The following DRC8 variants were observed in gnomAD, a reference collection of about 807,000 sequenced individuals.
DRC8 encodes the protein dynein regulatory complex protein 8.
At chr1:245,014,262 C>T in the DRC8 span, among the ~76,000 whole-genome samples, 1 of 152,108 alleles carries the variant, frequency 6.6e-6, no homozygotes, top group East Asian at 1.9e-4. Context: ...AGGGTTAAGT[C>T]TTTATTATTC....
At chr1:245,097,637 T>A in the DRC8 span, among the ~76,000 whole-genome samples, 3 of 151,948 alleles carry the variant, frequency 2.0e-5, no homozygotes, top group African/African-American at 7.3e-5. This position sits in a 1 kb window ranked among gnomAD's most constrained non-coding sequence, Gnocchi z 5.0. Flanking sequence ...AGATAATACA[T>A]CAATAAACAT....
chr1:245,096,425 A>T, the DRC8 span, among the ~76,000 whole-genome samples: 1 of 152,384 alleles, frequency 6.6e-6, no homozygotes, highest in East Asian at 1.9e-4. Flanking sequence ...TCCTAATGCA[A>T]TTCATTTGCT....
chr1:244,972,866 T>C, the DRC8 span, among the ~76,000 whole-genome samples: 2 of 151,974 alleles, frequency 1.3e-5, no homozygotes, highest in Non-Finnish European at 2.9e-5. Flanking sequence ...AGCACTCATG[T>C]GCTGTATCTC....
chr1:245,059,738 G>A, the DRC8 span, among the ~76,000 whole-genome samples: 1 of 152,232 alleles, frequency 6.6e-6, no homozygotes, highest in Non-Finnish European at 1.5e-5. Flanking sequence ...AAAGAGGCCA[G>A]TAGATGCAAG....
chr1:244,974,787 T>G, the DRC8 span, among the ~76,000 whole-genome samples: 27 of 152,120 alleles, frequency 1.8e-4, no homozygotes, highest in Non-Finnish European at 3.8e-4. Context: ...CTCGACCTCC[T>G]GGGCTCAAGC....
At chr1:245,075,550 C>G in the DRC8 span, 2 of 152,206 alleles carry the variant, frequency 1.3e-5, no homozygotes, top group Non-Finnish European at 2.9e-5. Context: ...TTCAGGTCAC[C>G]TACTCCACCT....
chr1:245,050,765 T>C, the DRC8 span, among the ~76,000 whole-genome samples: 807 of 152,290 alleles, frequency 5.3e-3, 4 homozygotes, highest in African/African-American at 0.018. Flanking sequence ...TGCTGGCTCT[T>C]TTTTGGAGTT....
the DRC8 span, among the ~76,000 whole-genome samples, chr1:244,994,878 T>C: frequency 6.6e-6 from 1 of 152,194 alleles, no homozygotes; most frequent in Non-Finnish European, 1.5e-5. Context: ...TGTAGAACCA[T>C]ATACTGTATT....
At chr1:245,094,297 G>T in the DRC8 span, among the ~76,000 whole-genome samples, 245 of 152,250 alleles carry the variant, frequency 1.6e-3, no homozygotes, top group Non-Finnish European at 2.4e-3. Context: ...CCTGTGCTTA[G>T]GTGTTGGGAT....
At chr1:245,111,705 G>A in the DRC8 span, among the ~76,000 whole-genome samples, 1 of 152,144 alleles carries the variant, frequency 6.6e-6, no homozygotes, top group Non-Finnish European at 1.5e-5. Context: ...CAGGGGTAAG[G>A]GGACTTTTAG....
At chr1:245,016,862 G>C in the DRC8 span, among the ~76,000 whole-genome samples, 3 of 152,138 alleles carry the variant, frequency 2.0e-5, no homozygotes, top group Admixed American at 2.0e-4. Context: ...TGTTTTTATT[G>C]GTTTCACTGT....
the DRC8 span, among the ~76,000 whole-genome samples, chr1:244,989,051 C>G: frequency 6.6e-6 from 1 of 152,040 alleles, no homozygotes. Flanking sequence ...AAAATTTGTT[C>G]AAAGTACAAT....
the DRC8 span, chr1:244,970,301 C>T: frequency 2.3e-5 from 23 of 1,003,224 alleles, no homozygotes; most frequent in Non-Finnish European, 1.5e-6. Flanking sequence ...TCTTCCTCCC[C>T]CGGGATTCAG....
chr1:245,054,260 C>T, the DRC8 span, among the ~76,000 whole-genome samples: 1 of 152,162 alleles, frequency 6.6e-6, no homozygotes, highest in African/African-American at 2.4e-5. Flanking sequence ...CTCACTGCAA[C>T]CTTCGCCCCC....
At chr1:245,010,286 C>T in the DRC8 span, among the ~76,000 whole-genome samples, 1 of 152,196 alleles carries the variant, frequency 6.6e-6, no homozygotes, top group Admixed American at 6.5e-5. Context: ...CTTCCTAGAG[C>T]CATGAGCCCT....
the DRC8 span, among the ~76,000 whole-genome samples, chr1:245,075,900 C>G: frequency 2.0e-5 from 3 of 152,122 alleles, no homozygotes; most frequent in African/African-American, 7.2e-5. Flanking sequence ...TTGTTACTCT[C>G]GCCTTTTTTT....
the DRC8 span, chr1:245,083,385 T>TA: frequency 1.3e-6 from 2 of 1,507,942 alleles, no homozygotes; most frequent in Admixed American, 3.4e-5. Flanking sequence ...GCTGATTTAT[T>TA]ATGTAAAGAC....
the DRC8 span, among the ~76,000 whole-genome samples, chr1:244,987,674 A>G: frequency 6.6e-6 from 1 of 150,816 alleles, no homozygotes; most frequent in African/African-American, 2.4e-5. Context: ...TGTCTGGAAT[A>G]TGTATTGGTA....
At chr1:245,108,045 A>T in the DRC8 span, among the ~76,000 whole-genome samples, 3 of 152,114 alleles carry the variant, frequency 2.0e-5, no homozygotes, top group Non-Finnish European at 4.4e-5. Context: ...CCCTGTGCTT[A>T]TCGCTTTCAG....
Sources: gnomAD v4.1 joint callset for allele counts (sites outside exome capture counted in the v4.1 genomes callset) on GRCh38, gnomAD v4.1.1 for gene constraint, Gnocchi (gnomAD v3.1) non-coding constraint, MANE v1.5 for transcripts, NCBI Gene and HGNC (gene_info 2026-07-23, HGNC 2026-07-21) for gene names.